Variants in EIF2AK3 observed in about 807,000 individuals in gnomAD.
EIF2AK3 encodes eukaryotic translation initiation factor 2-alpha kinase 3.
Under a neutral mutation model 113.5 loss-of-function variants are expected in EIF2AK3, and 50 were observed. That is an observed-to-expected ratio of 0.44 (90% CI 0.35 to 0.56). The LOEUF (loss-of-function observed/expected upper bound fraction) is 0.56, where lower values mean the gene tolerates loss of function less well. Ranked by LOEUF, EIF2AK3 falls within the 20% of genes least tolerant of loss-of-function variation. EIF2AK3 has a pLI of 0.00. For synonymous variants in EIF2AK3, 448 were observed against 495.4 expected, an observed-to-expected ratio of 0.90 and a Z score of 1.27; for missense variants, 1,185 against 1,378.0, an observed-to-expected ratio of 0.86 and a Z score of 2.22.
chr2:88,570,797 T>A, intron 14 of EIF2AK3, 77 bp downstream of exon 14: 1 of 1,576,948 alleles, frequency 6.3e-7, no homozygotes, highest in Non-Finnish European at 8.7e-7. Flanking sequence ...TTACTGGGTA[T>A]TTTAATGAAA....
chr2:88,614,590 T>G (rs534579588), intron 1 of EIF2AK3, among the ~76,000 whole-genome samples: 2 of 152,256 alleles, frequency 1.3e-5, no homozygotes, highest in South Asian at 4.1e-4. Flanking sequence ...CGCAACCCCC[T>G]AACCACCAAC....
intron 1 of EIF2AK3, among the ~76,000 whole-genome samples, chr2:88,616,169 T>C (rs1675563753): frequency 6.6e-6 from 1 of 152,174 alleles, no homozygotes; most frequent in Admixed American, 6.5e-5. Flanking sequence ...AAATACCATC[T>C]ATATCCTGGC....
At chr2:88,619,610 A>G (rs1675669043) in intron 1 of EIF2AK3, among the ~76,000 whole-genome samples, 1 of 152,126 alleles carries the variant, frequency 6.6e-6, no homozygotes, top group Non-Finnish European at 1.5e-5. Context: ...CTCATCCTCT[A>G]CATTTAAACA....
At chr2:88,605,309 T>G (rs1255362071) in intron 2 of EIF2AK3, among the ~76,000 whole-genome samples, 5 of 152,196 alleles carry the variant, frequency 3.3e-5, no homozygotes, top group Non-Finnish European at 5.9e-5. Flanking sequence ...CTATTATTCA[T>G]GAATACAAAA....
rs1673790943 is a variant in EIF2AK3 at position 88,556,859 on chromosome 2, T to A, written c.*877A>T. 6.6e-6 allele frequency: 1 copy of A among 152,146 alleles called. No homozygotes were observed. The highest frequency in any genetic ancestry group is 2.1e-4 in the South Asian group (1 of 4,832). 9.4% of individuals were successfully genotyped at this position (152,146 alleles called of 1,614,324 possible). On this transcript the variant is annotated 3_prime_UTR_variant, in exon 17 of 17. Coordinates refer to ENST00000303236, the MANE Select transcript of EIF2AK3 (RefSeq NM_004836.7). ...GGATTGATTTCAGAATTTTTATAAA[T>A]AAAACATAAACATATTTACAGTGAA...
chr2:88,576,549 G>C lies in EIF2AK3; in HGVS notation c.2036+5C>G. ...CTTAAGTGTATGTGTAACAAAGTTAGTTACCTTTCATCTTTCAGCCAAATT... is the reference window on the plus strand; with the variant it reads ...CTTAAGTGTATGTGTAACAAAGTTACTTACCTTTCATCTTTCAGCCAAATT... On this transcript the variant is annotated splice_donor_5th_base_variant and intron_variant, in intron 12 of 16. Transcript: ENST00000303236. 1.2e-6 allele frequency: 2 copies of C among 1,613,902 alleles called. No homozygotes were observed. Among genetic ancestry groups the C allele is most frequent in the Non-Finnish European group, 1.7e-6 (2 of 1,179,960 alleles).
intron 12 of EIF2AK3, 106 bp downstream of exon 12, chr2:88,576,448 G>A (rs1674459069): frequency 2.7e-6 from 4 of 1,491,500 alleles, no homozygotes; most frequent in Non-Finnish European, 3.6e-6. Context: ...ACAGAACTCT[G>A]CTGTTCCTTT....
At chr2:88,566,052 A>G (rs1674113506) in intron 14 of EIF2AK3, among the ~76,000 whole-genome samples, 1 of 152,186 alleles carries the variant, frequency 6.6e-6, no homozygotes, top group Non-Finnish European at 1.5e-5. Flanking sequence ...TTAAGTAGGT[A>G]TCTATGCTAG....
At chr2:88,593,452 A>T (rs1674935376) in intron 3 of EIF2AK3, 47 bp from the exon 4 acceptor site, 1 of 1,603,800 alleles carries the variant, frequency 6.2e-7, no homozygotes, top group South Asian at 1.1e-5. Context: ...GAGACAACTC[A>T]TAATAGATCA....
intron 3 of EIF2AK3, among the ~76,000 whole-genome samples, chr2:88,594,968 C>CAGAT (rs1221781403): frequency 6.6e-6 from 1 of 151,582 alleles, no homozygotes; most frequent in Non-Finnish European, 1.5e-5. Flanking sequence ...CTGAAGTGGG[C>CAGAT]AGATCCCTTA....
At chr2:88,586,739 G>A (rs1007135643) in intron 8 of EIF2AK3, among the ~76,000 whole-genome samples, 7 of 151,104 alleles carry the variant, frequency 4.6e-5, no homozygotes, top group Admixed American at 4.0e-4. Context: ...CTACACATGT[G>A]TACCACAATG....
At chr2:88,559,882 A>G (rs1673897465) in intron 15 of EIF2AK3, among the ~76,000 whole-genome samples, 1 of 152,074 alleles carries the variant, frequency 6.6e-6, no homozygotes, top group Non-Finnish European at 1.5e-5. Context: ...GGTGGTTTCT[A>G]CTTTTGGATA....
intron 12 of EIF2AK3, among the ~76,000 whole-genome samples, chr2:88,576,088 GCTGTAAATTGTTAA>G: frequency 6.6e-6 from 1 of 152,278 alleles, no homozygotes; most frequent in East Asian, 1.9e-4. Flanking sequence ...TTAAAAAGGA[GCTGTAAATTGTTAA>G]CTGCTAAGAG....
chr2:88,626,913 T>A (rs913914117), intron 1 of EIF2AK3, 54 bp downstream of exon 1: 23 of 1,597,362 alleles, frequency 1.4e-5, no homozygotes, highest in Non-Finnish European at 2.0e-5. Context: ...CACCGCATCC[T>A]CCGCGGCTCG....
Position 88,558,979 on chromosome 2 carries a change from T to C in EIF2AK3, c.3088A>G (p.Thr1030Ala). ...TTGAGATTTCTTACATCAGTTAAGG[T>C]CTAAAAAGAAAAAAAGTATCACTTA... ...PFSTQMERVR[T>A]LTDVRNLKFP... The change falls in exon 16 of 17, where the codon ACC becomes GCC. Residue 1030 changes from threonine to alanine, a missense_variant and splice_region_variant. Around this residue, in one of 3 missense-constraint regions of EIF2AK3, gnomAD observed 877 missense variants for 1,024.2 expected, o/e 0.86. Transcript: ENST00000303236. The C allele has an allele frequency of 6.3e-7, 1 of 1,579,286 alleles. No individual in the cohort carries two copies. The highest frequency in any genetic ancestry group is 8.7e-7 in the Non-Finnish European group (1 of 1,150,324).
intron 2 of EIF2AK3, among the ~76,000 whole-genome samples, chr2:88,612,607 G>GTGT (rs1321124067): frequency 6.6e-6 from 1 of 152,212 alleles, no homozygotes; most frequent in Non-Finnish European, 1.5e-5. Context: ...AAATTTGGCA[G>GTGT]TGTTGTTTCC....
intron 7 of EIF2AK3, 26 bp downstream of exon 7, chr2:88,588,735 T>G (rs1674802477): frequency 1.2e-6 from 2 of 1,613,108 alleles, no homozygotes; most frequent in East Asian, 4.5e-5. Context: ...ACTAACAGTA[T>G]TTAGAAAAGT....
chr2:88,563,706 C>A (rs1284978936), intron 14 of EIF2AK3, among the ~76,000 whole-genome samples: 3 of 152,028 alleles, frequency 2.0e-5, no homozygotes, highest in Non-Finnish European at 2.9e-5. Context: ...TAAAATGTCC[C>A]AAATGAATGT....
intron 11 of EIF2AK3, among the ~76,000 whole-genome samples, chr2:88,578,983 T>C (rs771090724): frequency 2.6e-5 from 4 of 152,164 alleles, no homozygotes; most frequent in East Asian, 1.9e-4. Context: ...TAAAATACTT[T>C]TAATATATTT....
Sources: gnomAD v4.1 joint callset for allele counts (sites outside exome capture counted in the v4.1 genomes callset) on GRCh38, gnomAD v4.1.1 for gene constraint, gnomAD v4.1.1 regional missense constraint, MANE v1.5 for transcripts, NCBI Gene and HGNC (gene_info 2026-07-23, HGNC 2026-07-21) for gene names.